Variants in ADAMTS6 observed in about 807,000 individuals in gnomAD.
The protein encoded by ADAMTS6 is ADAM metallopeptidase with thrombospondin type 1 motif 6.
ADAMTS6 carries 23 observed loss-of-function variants against 144.3 expected under a neutral mutation model. The ratio of observed to expected loss-of-function variants is 0.16; its 90% confidence interval spans 0.11 to 0.23. The LOEUF (loss-of-function observed/expected upper bound fraction) is 0.23. ADAMTS6 is among the 10% of genes least tolerant of loss of function. ADAMTS6 has a pLI of 1.00. For synonymous variants in ADAMTS6, 444 were observed against 457.5 expected, an observed-to-expected ratio of 0.97 and a Z score of 0.38; for missense variants, 999 against 1,379.6, an observed-to-expected ratio of 0.72 and a Z score of 4.37.
chr5:65,373,682 A>T (rs1179866870), intron 7 of ADAMTS6, among the ~76,000 whole-genome samples: 1 of 152,222 alleles, frequency 6.6e-6, no homozygotes, highest in Non-Finnish European at 1.5e-5. Flanking sequence ...CAGAGGTACA[A>T]GGAGAAACTG....
intron 17 of ADAMTS6, 104 bp downstream of exon 17, chr5:65,224,816 TTGTC>T: frequency 7.6e-7 from 1 of 1,317,550 alleles, no homozygotes; most frequent in Non-Finnish European, 1.0e-6. Context: ...GAAGAAAACA[TTGTC>T]TGCCTAAATA....
At chr5:65,281,603 C>T (rs1762994423) in intron 11 of ADAMTS6, among the ~76,000 whole-genome samples, 1 of 151,958 alleles carries the variant, frequency 6.6e-6, no homozygotes, top group Admixed American at 6.6e-5. Flanking sequence ...AAAAATACTC[C>T]TACTTATTTA....
At chr5:65,229,307 T>C (rs1435202364) in intron 15 of ADAMTS6, among the ~76,000 whole-genome samples, 1 of 152,132 alleles carries the variant, frequency 6.6e-6, no homozygotes, top group Non-Finnish European at 1.5e-5. Context: ...ACTGGGCTGT[T>C]TGGTAAAGAC....
chr5:65,435,976 T>G (rs760687998), intron 7 of ADAMTS6, among the ~76,000 whole-genome samples: 2 of 152,096 alleles, frequency 1.3e-5, no homozygotes, highest in Admixed American at 6.6e-5. Flanking sequence ...TAAAATGCAC[T>G]TTAGAGGTCA....
At chr5:65,475,395 T>C (rs1580796972) in intron 1 of ADAMTS6, among the ~76,000 whole-genome samples, 1 of 152,180 alleles carries the variant, frequency 6.6e-6, no homozygotes, top group African/African-American at 2.4e-5. Context: ...GATGATGTTA[T>C]AACAACATCA....
intron 24 of ADAMTS6, among the ~76,000 whole-genome samples, chr5:65,163,520 T>C (rs1752917417): frequency 6.6e-6 from 1 of 152,236 alleles, no homozygotes. Context: ...GATCTTGTCA[T>C]ACAAGATCAC....
At chr5:65,462,953 G>A (rs1397008880) in intron 3 of ADAMTS6, among the ~76,000 whole-genome samples, 1 of 151,778 alleles carries the variant, frequency 6.6e-6, no homozygotes, top group Non-Finnish European at 1.5e-5. Context: ...GGTGGCACAC[G>A]CCTGTAATCC....
At chr5:65,326,326 T>C (rs1233711490) in intron 9 of ADAMTS6, among the ~76,000 whole-genome samples, 2 of 152,234 alleles carry the variant, frequency 1.3e-5, no homozygotes, top group African/African-American at 2.4e-5. Flanking sequence ...CTTTGGCTTA[T>C]AGCCTATATT....
chr5:65,414,261 T>A (rs1438887474), intron 7 of ADAMTS6, among the ~76,000 whole-genome samples: 1 of 152,186 alleles, frequency 6.6e-6, no homozygotes, highest in Non-Finnish European at 1.5e-5. Context: ...TTTAAAATTA[T>A]TTTTTATTAT....
At chr5:65,408,451 A>G (rs1219499313) in intron 7 of ADAMTS6, among the ~76,000 whole-genome samples, 3 of 152,234 alleles carry the variant, frequency 2.0e-5, no homozygotes, top group Non-Finnish European at 4.4e-5. Context: ...AGAGCTAACT[A>G]TCTTAAATAT....
chr5:65,219,412 A>C (rs1757154089), intron 18 of ADAMTS6, among the ~76,000 whole-genome samples: 1 of 152,234 alleles, frequency 6.6e-6, no homozygotes, highest in Admixed American at 6.5e-5. Flanking sequence ...TAGACATTAT[A>C]AGAAATCAAG....
intron 7 of ADAMTS6, among the ~76,000 whole-genome samples, chr5:65,363,651 T>C (rs1054435767): frequency 2.0e-5 from 3 of 152,192 alleles, no homozygotes; most frequent in African/African-American, 7.2e-5. Flanking sequence ...AGCTCTAAAA[T>C]GGGGTTATGC....
chr5:65,241,631 G>T (rs1240727625), intron 15 of ADAMTS6, among the ~76,000 whole-genome samples: 2 of 152,022 alleles, frequency 1.3e-5, no homozygotes, highest in African/African-American at 4.8e-5. Context: ...AAATTAAAGA[G>T]CAAAAATGTT....
chr5:65,431,041 A>G (rs1324876697), intron 7 of ADAMTS6, among the ~76,000 whole-genome samples: 2 of 152,216 alleles, frequency 1.3e-5, no homozygotes, highest in East Asian at 1.9e-4. Flanking sequence ...CCAACAACTT[A>G]CACGTAGTAA....
At chr5:65,316,924 C>T (rs1248688978) in intron 9 of ADAMTS6, among the ~76,000 whole-genome samples, 1 of 152,000 alleles carries the variant, frequency 6.6e-6, no homozygotes, top group African/African-American at 2.4e-5. Flanking sequence ...GTCTCAGCCT[C>T]CCAGGTAGCT....
chr5:65,211,480 T>C (rs1756529299), intron 20 of ADAMTS6, among the ~76,000 whole-genome samples: 1 of 151,844 alleles, frequency 6.6e-6, no homozygotes, highest in Non-Finnish European at 1.5e-5. Flanking sequence ...TGGGCGCCTG[T>C]AGTCTGAGCT....
intron 4 of ADAMTS6, among the ~76,000 whole-genome samples, chr5:65,456,555 T>C (rs1270540152): frequency 6.6e-6 from 1 of 152,226 alleles, no homozygotes. Context: ...GTTTATTTAG[T>C]TAACTGTCTT....
At position 65,272,970 on chromosome 5, in the gene ADAMTS6, A is replaced by G. The variant is rs572756137; in HGVS notation, c.1620+370T>C. Among the ~76,000 whole-genome samples the G allele has an allele frequency of 2.6e-5, 4 of 152,216 alleles. No individual in the cohort carries two copies. In the South Asian group the frequency reaches 6.2e-4, roughly 24 times the overall value. The stretch of plus-strand genomic sequence containing the variant: ...GTGACTTTAGTAATACTATAGTTAT[A>G]AAGTCTACTTCTGGGTTGCATAATT... On this transcript the variant is annotated intron_variant, in intron 12 of 24. Coordinates refer to ENST00000381055, the MANE Select transcript of ADAMTS6 (RefSeq NM_197941.4).
chr5:65,375,135 T>C, intron 7 of ADAMTS6, among the ~76,000 whole-genome samples: 1 of 152,190 alleles, frequency 6.6e-6, no homozygotes, highest in South Asian at 2.1e-4. Flanking sequence ...ATTTAAACGT[T>C]AGACCTAAAA....
Sources: allele counts gnomAD v4.1 joint callset (sites outside exome capture counted in the v4.1 genomes callset), GRCh38; gene constraint gnomAD v4.1.1; transcripts MANE v1.5; gene names NCBI Gene and HGNC (gene_info 2026-07-23, HGNC 2026-07-21).